PID1: variants seen among roughly 807,000 people sequenced by gnomAD.
PID1 encodes the protein PTB-containing, cubilin and LRP1-interacting protein.
PID1 carries 10 observed loss-of-function variants against 19.1 expected under a neutral mutation model. That is an observed-to-expected ratio of 0.52 (90% confidence interval 0.32 to 0.89). PID1 has a LOEUF of 0.89. Among genes scored for constraint, PID1 ranks in the 40% least tolerant of loss-of-function variants. The probability of loss-of-function intolerance (pLI) is 0.03; values close to 1 mark genes in which losing one functional copy is unlikely to be tolerated. For missense variants in PID1, 248 were observed against 285.3 expected (o/e 0.87, Z 0.94); for synonymous variants, 130 against 116.0 (o/e 1.12, Z -0.78).
intron 1 of PID1, among the ~76,000 whole-genome samples, chr2:229,174,564 C>T (rs139308266): frequency 6.6e-6 from 1 of 151,962 alleles, no homozygotes; most frequent in African/African-American, 2.4e-5. Flanking sequence ...TTATCACCCC[C>T]CAATGGGCCT....
chr2:229,184,942 A>C (rs1261531364), intron 1 of PID1, among the ~76,000 whole-genome samples: 1 of 128,508 alleles, frequency 7.8e-6, no homozygotes, highest in Admixed American at 8.1e-5. Flanking sequence ...CCATATATAT[A>C]TCCTATATAT....
chr2:229,051,433 G>A (rs1249323648), intron 2 of PID1, among the ~76,000 whole-genome samples: 1 of 152,060 alleles, frequency 6.6e-6, no homozygotes, highest in Non-Finnish European at 1.5e-5. Context: ...TGCCTCCCCG[G>A]TACAAGCGGT....
chr2:229,185,502 C>T (rs1691109563), intron 1 of PID1, among the ~76,000 whole-genome samples: 1 of 152,114 alleles, frequency 6.6e-6, no homozygotes, highest in South Asian at 2.1e-4. Context: ...TTTAATTGGG[C>T]TTACAGTTAT....
Position 229,025,619 on chromosome 2 carries a change from G to T in PID1, c.*13C>A. The T allele has an allele frequency of 6.3e-7, 1 of 1,580,324 alleles. No homozygotes were observed. The highest frequency in any genetic ancestry group is 8.7e-7 in the Non-Finnish European group (1 of 1,150,884). On this transcript the variant is annotated 3_prime_UTR_variant, in exon 3 of 3. Transcript: ENST00000392055. ...TGACCAATGCTGCCTTTGCTGAAGC[G>T]TCTCAAGTTCATTCAGCCATCATCG...
intron 2 of PID1, among the ~76,000 whole-genome samples, chr2:229,030,587 T>TTCTC (rs71412188): frequency 9.9e-5 from 15 of 151,458 alleles, no homozygotes; most frequent in South Asian, 2.1e-4. Context: ...AAGGCACACT[T>TTCTC]TCTCTCTCTC....
intron 1 of PID1, among the ~76,000 whole-genome samples, chr2:229,251,649 T>C (rs1474519565): frequency 6.6e-6 from 1 of 152,174 alleles, no homozygotes; most frequent in Non-Finnish European, 1.5e-5. Context: ...GAAAAATAAT[T>C]TGCTCTATCA....
chr2:229,201,528 A>G (rs1574716880), intron 1 of PID1, among the ~76,000 whole-genome samples: 1 of 152,074 alleles, frequency 6.6e-6, no homozygotes, highest in Admixed American at 6.6e-5. Flanking sequence ...TTCACCTGTC[A>G]ATGGACACCT....
At chr2:229,238,895 C>T (rs954194165) in intron 1 of PID1, among the ~76,000 whole-genome samples, 1 of 152,062 alleles carries the variant, frequency 6.6e-6, no homozygotes, top group African/African-American at 2.4e-5. Flanking sequence ...CACAGTAACA[C>T]AGCAATAGCA....
intron 1 of PID1, among the ~76,000 whole-genome samples, chr2:229,173,542 T>C (rs1404889171): frequency 1.3e-5 from 2 of 152,234 alleles, no homozygotes; most frequent in African/African-American, 4.8e-5. Flanking sequence ...TACTGAGTCA[T>C]GCGCTCTACT....
chr2:229,037,352 A>G (rs1386822417), intron 2 of PID1, among the ~76,000 whole-genome samples: 1 of 152,216 alleles, frequency 6.6e-6, no homozygotes, highest in Non-Finnish European at 1.5e-5. Flanking sequence ...AAAGAGGTGA[A>G]CATTCCTTCA....
At chr2:229,061,191 G>A (rs73099464) in intron 2 of PID1, among the ~76,000 whole-genome samples, 9,863 of 152,004 alleles carry the variant, frequency 0.065, 1,061 homozygotes, top group African/African-American at 0.22. Flanking sequence ...GACAAATGTC[G>A]TAGAACTTTG....
chr2:229,162,105 G>A (rs1279417233), intron 1 of PID1, among the ~76,000 whole-genome samples: 1 of 152,226 alleles, frequency 6.6e-6, no homozygotes, highest in African/African-American at 2.4e-5. Context: ...GAAGTGAATA[G>A]TGTTGTAGAA....
At chr2:229,250,441 T>C (rs1255090997) in intron 1 of PID1, among the ~76,000 whole-genome samples, 2 of 152,252 alleles carry the variant, frequency 1.3e-5, no homozygotes, top group African/African-American at 4.8e-5. Flanking sequence ...GAGGACTGTG[T>C]TGCTTTCAGC....
chr2:229,066,515 G>T (rs1436728901), intron 2 of PID1, among the ~76,000 whole-genome samples: 1 of 151,946 alleles, frequency 6.6e-6, no homozygotes, highest in Non-Finnish European at 1.5e-5. Flanking sequence ...CTCAAACACT[G>T]GGAATATAAC....
At chr2:229,047,070 G>T (rs1693897225) in intron 2 of PID1, among the ~76,000 whole-genome samples, 1 of 152,176 alleles carries the variant, frequency 6.6e-6, no homozygotes, top group Non-Finnish European at 1.5e-5. Context: ...GCCCCACAAA[G>T]CCTGTAGTCA....
intron 2 of PID1, among the ~76,000 whole-genome samples, chr2:229,057,809 T>C (rs1321803308): frequency 6.6e-6 from 1 of 152,172 alleles, no homozygotes; most frequent in Admixed American, 6.5e-5. Context: ...ATAATTCTCT[T>C]CTGAAAACTG....
intron 2 of PID1, among the ~76,000 whole-genome samples, chr2:229,100,131 T>C (rs1695046982): frequency 6.6e-6 from 1 of 152,182 alleles, no homozygotes; most frequent in South Asian, 2.1e-4. Flanking sequence ...ACACTGGACC[T>C]GCCAGCACCT....
intron 1 of PID1, among the ~76,000 whole-genome samples, chr2:229,195,758 G>T (rs1290816328): frequency 1.3e-5 from 2 of 151,984 alleles, no homozygotes; most frequent in African/African-American, 4.8e-5. Flanking sequence ...TGGGTTGTAA[G>T]ATATTCCCAG....
At chr2:229,229,874 C>T (rs10933282) in intron 1 of PID1, among the ~76,000 whole-genome samples, 41,870 of 152,066 alleles carry the variant, frequency 0.28, 6,615 homozygotes, top group East Asian at 0.66. Context: ...TCATCACATG[C>T]TGATTCTACA....
Sources: allele counts gnomAD v4.1 joint callset (sites outside exome capture counted in the v4.1 genomes callset), GRCh38; gene constraint gnomAD v4.1.1; transcripts MANE v1.5; gene names NCBI Gene and HGNC (gene_info 2026-07-23, HGNC 2026-07-21).